Variants in SLC22A23 observed in about 807,000 individuals in gnomAD.
The protein encoded by SLC22A23 is ion transporter protein.
A neutral mutation model predicts 61.0 loss-of-function variants in SLC22A23; 26 were observed. The observed-to-expected ratio is 0.43, with a 90% CI of 0.31 to 0.59. The LOEUF (loss-of-function observed/expected upper bound fraction) is 0.59. SLC22A23 is among the 20% of genes least tolerant of loss of function. SLC22A23 has a pLI of 0.11. For missense variants in SLC22A23, 796 were observed against 934.7 expected (o/e 0.85, Z 1.94); for synonymous variants, 430 against 413.9 (o/e 1.04, Z -0.47).
At chr6:3,405,537 T>G (rs1768762011) in intron 3 of SLC22A23, among the ~76,000 whole-genome samples, 1 of 152,166 alleles carries the variant, frequency 6.6e-6, no homozygotes, top group African/African-American at 2.4e-5. Flanking sequence ...CTGAAGCCAT[T>G]TCTAGTTGAC....
At position 3,297,997 on chromosome 6, in the gene SLC22A23, T is replaced by G. The variant is rs551093367; in HGVS notation, c.1210+94A>C. 9.4e-6 allele frequency: 13 copies of G among 1,388,256 alleles called. No individual in the cohort carries two copies. The highest frequency in any genetic ancestry group is 2.3e-4 in the Middle Eastern group (1 of 4,430). 86.0% of individuals were successfully genotyped at this position (1,388,256 alleles called of 1,614,324 possible). A position where few individuals can be genotyped will look rare whatever the true frequency, so the allele number is the denominator to read the frequency against. ...GGTCACAGGAGAATTGCACAGCTGG[T>G]TAAAACAGCTGTTTGTGCAACAAAA... On this transcript the variant is annotated intron_variant, in intron 5 of 9. Coordinates refer to ENST00000406686, the MANE Select transcript of SLC22A23 (RefSeq NM_015482.2). The surrounding 1 kb of genome is among the most constrained non-coding windows in gnomAD (Gnocchi z 4.3).
At chr6:3,420,006 G>C (rs1770008783) in intron 1 of SLC22A23, among the ~76,000 whole-genome samples, 1 of 152,150 alleles carries the variant, frequency 6.6e-6, no homozygotes, top group Admixed American at 6.5e-5. Flanking sequence ...CTTTAATTAA[G>C]CTTGTTAACA....
rs1006313383 is a variant in SLC22A23, at chr6:3,329,107, G to T, written c.914-5105C>A. Among the ~76,000 whole-genome samples the T allele has an allele frequency of 2.0e-5, 3 of 151,986 alleles. No individual in the cohort carries two copies. Among genetic ancestry groups the T allele is most frequent in the East Asian group, 1.9e-4 (1 of 5,194 alleles). On this transcript the variant is annotated intron_variant, in intron 3 of 9. Coordinates refer to ENST00000406686, the MANE Select transcript of SLC22A23 (RefSeq NM_015482.2). This position sits in a 1 kb window ranked among gnomAD's most constrained non-coding sequence, Gnocchi z 4.8. ...CTTGGCCCCAGCTCCAGCGGCTAAG[G>T]CATCTGCCCACCAGAAATACCAGGG...
rs1325682735 is a variant in SLC22A23 at position 3,333,086 on chromosome 6, A to G, written c.914-9084T>C. On this transcript the variant is annotated intron_variant, in intron 3 of 9. Coordinates refer to ENST00000406686, the MANE Select transcript of SLC22A23 (RefSeq NM_015482.2). The surrounding 1 kb of genome is among the most constrained non-coding windows in gnomAD (Gnocchi z 4.1). ...CTGGGAATGACGCTACCACTGACCC[A>G]TGGAGCAAAGCGGCGGCGCCTCAGC... is the stretch of plus-strand genomic sequence containing the variant. 6.6e-6 allele frequency among the ~76,000 whole-genome samples: 1 copy of G among 152,198 alleles called. No homozygotes were observed. The highest frequency in any genetic ancestry group is 1.5e-5 in the Non-Finnish European group (1 of 68,030).
intron 2 of SLC22A23, among the ~76,000 whole-genome samples, chr6:3,413,234 T>C (rs1769396743): frequency 6.6e-6 from 1 of 152,166 alleles, no homozygotes. Context: ...AGGGGAAGGA[T>C]GGTCCTGGCC....
chr6:3,408,647 G>A (rs903658991), intron 3 of SLC22A23, among the ~76,000 whole-genome samples: 3 of 152,166 alleles, frequency 2.0e-5, no homozygotes, highest in African/African-American at 7.2e-5. Flanking sequence ...ATTAGTAATT[G>A]GCATGCAAGA....
intron 3 of SLC22A23, among the ~76,000 whole-genome samples, chr6:3,374,387 G>C (rs1766425070): frequency 2.0e-5 from 3 of 152,188 alleles, no homozygotes; most frequent in Admixed American, 2.0e-4. Flanking sequence ...CAGGCAGAAG[G>C]AAACACATGG....
In SLC22A23 at chr6:3,297,965, G is replaced by A; in HGVS notation, c.1210+126C>T. ...AGGTTGCCACATTGCCCTTGTGCAGGCCAAAAGGTCACAGGAGAATTGCAC... is the reference window on the plus strand; with the variant it reads ...AGGTTGCCACATTGCCCTTGTGCAGACCAAAAGGTCACAGGAGAATTGCAC... On this transcript the variant is annotated intron_variant, in intron 5 of 9. Coordinates refer to ENST00000406686, the MANE Select transcript of SLC22A23 (RefSeq NM_015482.2). This position sits in a 1 kb window ranked among gnomAD's most constrained non-coding sequence, Gnocchi z 4.3. 2 of 1,191,916 alleles carry A rather than the reference G, an allele frequency of 1.7e-6. No homozygotes were observed. Among genetic ancestry groups the A allele is most frequent in the East Asian group, 2.9e-5 (1 of 34,056 alleles). The allele number at this position is 1,191,916 out of a possible 1,614,324, so 73.8% of individuals were successfully genotyped here.
intron 3 of SLC22A23, among the ~76,000 whole-genome samples, chr6:3,374,104 T>C (rs1766404194): frequency 6.6e-6 from 1 of 152,216 alleles, no homozygotes; most frequent in African/African-American, 2.4e-5. Context: ...ACTACCTCTC[T>C]CTGGACATAG....
rs145366679 is a variant in SLC22A23 at position 3,353,378 on chromosome 6, C to G, written c.914-29376G>C. Among the ~76,000 whole-genome samples, 38 of 152,340 alleles carry G rather than the reference C, an allele frequency of 2.5e-4. No individual in the cohort carries two copies. The East Asian group carries it at 6.6e-3, about 26-fold the overall frequency. On this transcript the variant is annotated intron_variant, in intron 3 of 9. Coordinates refer to ENST00000406686, the MANE Select transcript of SLC22A23 (RefSeq NM_015482.2). ...GATTCTCCCAGCTGCCAATCTTGCC[C>G]TCTTCTACAGCATTTTAGTTAAAAT...
Position 3,324,355 on chromosome 6 carries a change from A to G in SLC22A23, c.914-353T>C, listed in dbSNP as rs1763154387. On this transcript the variant is annotated intron_variant, in intron 3 of 9. Coordinates refer to ENST00000406686, the MANE Select transcript of SLC22A23 (RefSeq NM_015482.2). This position sits in a 1 kb window ranked among gnomAD's most constrained non-coding sequence, Gnocchi z 4.3. ...CCAGACGTCACTGAGCTTGCTGTCCAGCACGTTCCCCCCTCGTGCCCATCC... is the reference window on the plus strand; with the variant it reads ...CCAGACGTCACTGAGCTTGCTGTCCGGCACGTTCCCCCCTCGTGCCCATCC... 1.3e-5 allele frequency among the ~76,000 whole-genome samples: 2 copies of G among 152,178 alleles called. No individual in the cohort carries two copies. The highest frequency in any genetic ancestry group is 4.8e-5 in the African/African-American group (2 of 41,444).
intron 3 of SLC22A23, among the ~76,000 whole-genome samples, chr6:3,385,586 T>C (rs1342399068): frequency 2.0e-5 from 3 of 152,206 alleles, no homozygotes; most frequent in Non-Finnish European, 4.4e-5. Flanking sequence ...AAACAGAAAG[T>C]TGTAAAACAC....
chr6:3,441,024 C>T (rs1379573111), intron 1 of SLC22A23, among the ~76,000 whole-genome samples: 1 of 152,198 alleles, frequency 6.6e-6, no homozygotes, highest in Non-Finnish European at 1.5e-5. Flanking sequence ...CCACATGGTG[C>T]TGGGCTGGGG....
intron 3 of SLC22A23, among the ~76,000 whole-genome samples, chr6:3,392,955 A>G (rs1767762427): frequency 6.6e-6 from 1 of 152,174 alleles, no homozygotes. Flanking sequence ...CAGAGCAGAC[A>G]CACAGAGAGT....
intron 1 of SLC22A23, among the ~76,000 whole-genome samples, chr6:3,416,114 G>A (rs1256094165): frequency 6.6e-6 from 1 of 152,234 alleles, no homozygotes; most frequent in Admixed American, 6.5e-5. Flanking sequence ...CTGGGGATGT[G>A]TATTCTTCTG....
In SLC22A23 at chr6:3,455,331, T is replaced by C. The variant is rs573752945; in HGVS notation, c.654+575A>G. Among the ~76,000 whole-genome samples, 39 of 152,328 alleles carry C rather than the reference T, an allele frequency of 2.6e-4. 1 individual carries two copies. The highest frequency in any genetic ancestry group is 6.2e-4 in the South Asian group (3 of 4,826). Reference sequence around the variant, plus strand: ...GTCCTTCCTATACTGTAGTGATGTTTACTGAAGTGCTGAGAAAACATGGGA... The same window carrying C: ...GTCCTTCCTATACTGTAGTGATGTTCACTGAAGTGCTGAGAAAACATGGGA... On this transcript the variant is annotated intron_variant, in intron 1 of 9. Transcript: ENST00000406686.
In SLC22A23 at chr6:3,408,899, C is replaced by T. The variant is rs74600247; in HGVS notation, c.913+1289G>A. 2.9e-3 allele frequency among the ~76,000 whole-genome samples: 440 copies of T among 152,358 alleles called. 2 individuals carry two copies. Among genetic ancestry groups the T allele is most frequent in the African/African-American group, 0.01 (418 of 41,584 alleles). On this transcript the variant is annotated intron_variant, in intron 3 of 9. Transcript: ENST00000406686. The stretch of plus-strand genomic sequence containing the variant: ...CAGAGCAAGGGTCCCGGCGCACTTG[C>T]ACACATGTGGGCCAAGGGATTGCCT...
rs138178542 is a variant in SLC22A23, at chr6:3,332,259, C to A, written c.914-8257G>T. Among the ~76,000 whole-genome samples, 5 of 152,236 alleles carry A rather than the reference C, an allele frequency of 3.3e-5. No homozygotes were observed. The East Asian group carries it at 9.7e-4, about 29-fold the overall frequency. On this transcript the variant is annotated intron_variant, in intron 3 of 9. Transcript: ENST00000406686. ...TCATCAATTGTCATTATTTTATGAG[C>A]TTGGCAAGCAATCAGGGAATCAGGG...
intron 3 of SLC22A23, among the ~76,000 whole-genome samples, chr6:3,381,837 T>C (rs1043469544): frequency 6.6e-6 from 1 of 152,222 alleles, no homozygotes; most frequent in South Asian, 2.1e-4. Context: ...TCAGACTCAT[T>C]TGCTGCCACC....
Sources: gnomAD v4.1 joint callset for allele counts (sites outside exome capture counted in the v4.1 genomes callset) on GRCh38, gnomAD v4.1.1 for gene constraint, Gnocchi (gnomAD v3.1) non-coding constraint, MANE v1.5 for transcripts, NCBI Gene and HGNC (gene_info 2026-07-23, HGNC 2026-07-21) for gene names.